The following EYS variants were observed in gnomAD, a reference collection of about 807,000 sequenced individuals.
EYS encodes EGF-like photoreceptor maintenance factor.
In EYS, 250 loss-of-function variants were observed where a neutral mutation model predicts 282.1. That is an observed-to-expected ratio of 0.89 (90% confidence interval 0.80 to 0.98). The LOEUF (loss-of-function observed/expected upper bound fraction) is 0.98. Among genes scored for constraint, EYS ranks in the 50% least tolerant of loss-of-function variants. The pLI is 0.00. For synonymous variants in EYS, 1,355 were observed against 1,282.9 expected (o/e 1.06, Z -1.20); for missense variants, 4,016 against 3,709.0 (o/e 1.08, Z -2.15).
At chr6:65,450,452 T>TG (rs1272050414) in intron 5 of EYS, among the ~76,000 whole-genome samples, 1 of 152,122 alleles carries the variant, frequency 6.6e-6, no homozygotes, top group Non-Finnish European at 1.5e-5. Flanking sequence ...GTTTAATGTA[T>TG]GGAATCAAGG....
intron 22 of EYS, among the ~76,000 whole-genome samples, chr6:64,650,885 A>G (rs961106732): frequency 6.6e-6 from 1 of 152,108 alleles, no homozygotes; most frequent in Non-Finnish European, 1.5e-5. Context: ...TGAAGAAATC[A>G]CAAAAATACC....
chr6:64,211,314 A>G (rs1221898924), intron 31 of EYS, among the ~76,000 whole-genome samples: 1 of 152,224 alleles, frequency 6.6e-6, no homozygotes, highest in Non-Finnish European at 1.5e-5. Flanking sequence ...TGGAGACTTT[A>G]GGTAATCTGA....
At chr6:65,095,364 C>A (rs144766140) in intron 12 of EYS, among the ~76,000 whole-genome samples, 165 of 149,972 alleles carry the variant, frequency 1.1e-3, no homozygotes, top group African/African-American at 3.8e-3. Context: ...AGTTAATATC[C>A]ATATATTGTA....
chr6:65,317,825 C>CCTTCCTTTCTTT (rs1562092985), intron 11 of EYS, among the ~76,000 whole-genome samples: 33 of 81,256 alleles, frequency 4.1e-4, no homozygotes, highest in African/African-American at 6.7e-4. Flanking sequence ...TTCCTTCCTT[C>CCTTCCTTTCTTT]CTTTCTTTCT....
chr6:63,934,034 A>G (rs1428023153), intron 35 of EYS, among the ~76,000 whole-genome samples: 1 of 152,190 alleles, frequency 6.6e-6, no homozygotes, highest in African/African-American at 2.4e-5. Context: ...CAGAATCTAC[A>G]ATGAACTCAA....
intron 22 of EYS, among the ~76,000 whole-genome samples, chr6:64,729,240 C>T (rs1771872810): frequency 6.6e-6 from 1 of 152,160 alleles, no homozygotes; most frequent in Non-Finnish European, 1.5e-5. Context: ...TGCCTCCTAT[C>T]CTTATCACTA....
chr6:65,480,695 A>G (rs1016886348), intron 5 of EYS, among the ~76,000 whole-genome samples: 7 of 152,188 alleles, frequency 4.6e-5, no homozygotes, highest in African/African-American at 1.7e-4. Flanking sequence ...TAGTCAATAT[A>G]TGGAATCAAC....
At chr6:64,386,676 G>C (rs1772921300) in intron 29 of EYS, among the ~76,000 whole-genome samples, 2 of 152,038 alleles carry the variant, frequency 1.3e-5, no homozygotes, top group Admixed American at 6.6e-5. Context: ...TTGAGAATGG[G>C]ACTATAAATT....
chr6:65,334,022 A>G (rs571054302), intron 11 of EYS, among the ~76,000 whole-genome samples: 5 of 151,696 alleles, frequency 3.3e-5, no homozygotes, highest in African/African-American at 4.8e-5. Context: ...TGTATCTTCT[A>G]TAGATCATAT....
intron 31 of EYS, among the ~76,000 whole-genome samples, chr6:64,215,392 G>T (rs1582438441): frequency 6.6e-6 from 1 of 151,980 alleles, no homozygotes; most frequent in Non-Finnish European, 1.5e-5. Flanking sequence ...AAGGGTAAAT[G>T]TAAGTGTTAT....
intron 2 of EYS, among the ~76,000 whole-genome samples, chr6:65,500,833 G>A (rs758954544): frequency 6.6e-6 from 1 of 151,848 alleles, no homozygotes; most frequent in Non-Finnish European, 1.5e-5. Flanking sequence ...ATGTGCAAGG[G>A]TCAGTGATGT....
At chr6:65,199,627 G>T (rs1469958567) in intron 12 of EYS, among the ~76,000 whole-genome samples, 1 of 152,026 alleles carries the variant, frequency 6.6e-6, no homozygotes, top group Non-Finnish European at 1.5e-5. Context: ...TGAGATGAAA[G>T]ATGTAGATAA....
intron 2 of EYS, among the ~76,000 whole-genome samples, chr6:65,512,486 C>T (rs1205521442): frequency 1.2e-5 from 1 of 84,860 alleles, no homozygotes; most frequent in Admixed American, 1.5e-4. Flanking sequence ...GAGCGAGACT[C>T]TATCTCAAAA....
At chr6:64,228,001 C>T (rs1032529433) in intron 31 of EYS, among the ~76,000 whole-genome samples, 5 of 152,074 alleles carry the variant, frequency 3.3e-5, no homozygotes, top group Admixed American at 2.0e-4. Flanking sequence ...ACTTAAATTT[C>T]ATCATCTATA....
intron 19 of EYS, among the ~76,000 whole-genome samples, chr6:64,837,023 T>C (rs1765402628): frequency 6.6e-6 from 1 of 151,694 alleles, no homozygotes; most frequent in South Asian, 2.1e-4. Context: ...TTCCAGAATA[T>C]ACTGTTACTA....
chr6:65,546,817 C>G (rs1768408584), intron 2 of EYS, among the ~76,000 whole-genome samples: 1 of 152,034 alleles, frequency 6.6e-6, no homozygotes. Context: ...GTGATCTACC[C>G]ACATTGACCT....
chr6:64,773,311 T>A (rs1773580227), intron 22 of EYS, among the ~76,000 whole-genome samples: 1 of 151,976 alleles, frequency 6.6e-6, no homozygotes, highest in African/African-American at 2.4e-5. Flanking sequence ...GGGCATGATC[T>A]CATTCTTTTT....
At chr6:63,962,054 A>G (rs1228532421) in intron 35 of EYS, among the ~76,000 whole-genome samples, 1 of 152,238 alleles carries the variant, frequency 6.6e-6, no homozygotes, top group African/African-American at 2.4e-5. Context: ...CTGGCTAGCC[A>G]TATGTAGAAA....
chr6:63,963,841 C>T (rs1478905704), intron 35 of EYS, among the ~76,000 whole-genome samples: 1 of 152,170 alleles, frequency 6.6e-6, no homozygotes, highest in African/African-American at 2.4e-5. Flanking sequence ...GTATTCATTT[C>T]TCACATTGAG....
Sources: gnomAD v4.1 joint callset for allele counts (sites outside exome capture counted in the v4.1 genomes callset) on GRCh38, gnomAD v4.1.1 for gene constraint, MANE v1.5 for transcripts, NCBI Gene and HGNC (gene_info 2026-07-23, HGNC 2026-07-21) for gene names.